The following MYH3 variants were observed in gnomAD, a reference collection of about 807,000 sequenced individuals.
MYH3 encodes myosin-3.
A neutral mutation model predicts 238.0 loss-of-function variants in MYH3; 130 were observed. The ratio of observed to expected loss-of-function variants is 0.55; its 90% CI spans 0.47 to 0.63. The LOEUF is 0.63. MYH3 is among the 30% of genes least tolerant of loss of function. The pLI is 0.00. For missense variants in MYH3, 1,853 were observed against 2,374.9 expected, an observed-to-expected ratio of 0.78 and a Z score of 4.57; for synonymous variants, 880 against 924.1, an observed-to-expected ratio of 0.95 and a Z score of 0.86.
chr17:10,646,768 C>T (rs2074325921), intron 10 of MYH3, among the ~76,000 whole-genome samples: 1 of 152,168 alleles, frequency 6.6e-6, no homozygotes, highest in Non-Finnish European at 1.5e-5. Context: ...CTTTTCCTGG[C>T]AAAGTGCAGT....
At chr17:10,677,877 G>A in the MYH3 span, 2 of 152,288 alleles carry the variant, frequency 1.3e-5, no homozygotes, top group Admixed American at 6.5e-5. Context: ...AGCACTTTGG[G>A]AGGCCGAGGC....
intron 32 of MYH3, 30 bp downstream of exon 32, chr17:10,633,987 G>A: frequency 6.2e-7 from 1 of 1,611,304 alleles, no homozygotes; most frequent in Non-Finnish European, 8.5e-7. Flanking sequence ...CATGAAAGGA[G>A]GAGGTTTCAG....
chr17:10,649,465 G>A (rs1418872240), intron 7 of MYH3, 112 bp downstream of exon 7: 3 of 880,230 alleles, frequency 3.4e-6, no homozygotes, highest in Non-Finnish European at 5.8e-6. Flanking sequence ...ATCCTAGCCT[G>A]TTCTCCATTC....
At position 10,638,292 on chromosome 17, in the gene MYH3, C is replaced by T. The variant is rs746294670; in HGVS notation, c.3480G>A (p.Thr1160=). The change falls in exon 27 of 41, where the codon ACG becomes ACA. Residue 1160 remains threonine (T), a synonymous_variant. Transcript: ENST00000583535. ...RLEEAGGVTS[T]QIELNKKREA... ...CCCGCTTCTTGTTGAGCTCTATCTG[C>T]GTGGAGGTGACGCCTCCCGCCTCCT... 3.7e-6 allele frequency: 6 copies of T among 1,613,608 alleles called. No homozygotes were observed. Among genetic ancestry groups the T allele is most frequent in the South Asian group, 3.3e-5 (3 of 91,066 alleles).
At chr17:10,633,458 A>T in intron 33 of MYH3, 133 bp downstream of exon 33, 1 of 1,087,270 alleles carries the variant, frequency 9.2e-7, no homozygotes. Flanking sequence ...TTGCTGTGTG[A>T]CGGGAAAGCA....
At position 10,635,779 on chromosome 17, in the gene MYH3, G is replaced by T; in HGVS notation, c.3931C>A (p.Gln1311Lys). The change falls in exon 29 of 41, where the codon CAG becomes AAG. Residue 1311 changes from glutamine (Q) to lysine (K), a missense_variant. Physicochemically the swap from Gln to Lys is moderately conservative, Grantham distance 53 (BLOSUM62 1). Around this residue, in one of 3 missense-constraint regions of MYH3, gnomAD observed 1,044 missense variants for 1,192.6 expected, o/e 0.88. Coordinates refer to ENST00000583535, the MANE Select transcript of MYH3 (RefSeq NM_002470.4). The part of the protein sequence containing the change: ...QLSRSKQAFT[Q>K]QTEELKRQLE... ...TGCCTCTTGAGCTCTTCTGTTTGCTGGGTAAAGGCTTGCTTGCTCCTGGAA... is the reference window on the plus strand; with the variant it reads ...TGCCTCTTGAGCTCTTCTGTTTGCTTGGTAAAGGCTTGCTTGCTCCTGGAA... 6.2e-7 allele frequency: 1 copy of T among 1,614,158 alleles called. No individual in the cohort carries two copies. The highest frequency in any genetic ancestry group is 8.5e-7 in the Non-Finnish European group (1 of 1,180,024).
chr17:10,653,535 T>A (rs2074399068), intron 3 of MYH3, among the ~76,000 whole-genome samples: 1 of 152,138 alleles, frequency 6.6e-6, no homozygotes, highest in Non-Finnish European at 1.5e-5. Context: ...AACGGCACCA[T>A]GAGGCAGAGC....
chr17:10,639,966 A>C, intron 22 of MYH3, 30 bp downstream of exon 22: 1 of 134,952 alleles, frequency 7.4e-6, no homozygotes. Flanking sequence ...AGAAGAGTTA[A>C]AAAAAAAAAA....
rs1400535983 is a variant in MYH3, at chr17:10,652,548, G to T, written c.220C>A (p.Pro74Thr). The change falls in exon 4 of 41, where the codon CCA becomes ACA. Residue 74 changes from proline to threonine, a missense_variant. Pro to Thr is a conservative substitution (Grantham distance 38, BLOSUM62 -1). Around this residue, in one of 3 missense-constraint regions of MYH3, gnomAD observed 131 missense variants for 123.5 expected, o/e 1.06. Transcript: ENST00000583535. ...TEDNRTLVVK[P>T]EDVYAMNPPK... ...GGGTTCATGGCGTACACATCCTCTG[G>T]TTTGACCACCAGGGTCTAAAAAGGA... 6.2e-7 allele frequency: 1 copy of T among 1,600,778 alleles called. No homozygotes were observed. Among genetic ancestry groups the T allele is most frequent in the South Asian group, 1.1e-5 (1 of 90,910 alleles).
rs186881472 is a variant in MYH3, at chr17:10,636,606, C to T, written c.3857-753G>A. ...GGCTTTATGGCTCCAGACGTGAATC[C>T]CCCAACATGGTAAAAGTGGCCACCA... On this transcript the variant is annotated intron_variant, in intron 28 of 40. Coordinates refer to ENST00000583535, the MANE Select transcript of MYH3 (RefSeq NM_002470.4). Among the ~76,000 whole-genome samples, 487 of 151,758 alleles carry T rather than the reference C, an allele frequency of 3.2e-3. 3 individuals carry two copies. Among genetic ancestry groups the T allele is most frequent in the Middle Eastern group, 0.01 (3 of 294 alleles).
chr17:10,646,156 A>T (rs1381461676), intron 10 of MYH3, 124 bp from the exon 11 acceptor site: 5 of 816,928 alleles, frequency 6.1e-6, no homozygotes, highest in South Asian at 1.4e-5. Flanking sequence ...ACTTAGAATT[A>T]AAAATCTTTT....
Position 10,639,665 on chromosome 17 carries a change from C to G in MYH3, c.2820G>C (p.Lys940Asn). The stretch of plus-strand genomic sequence containing the variant: ...AGCATTCATCCTCCAGTTTCCTCTT[C>G]TTGGCCGTCAGCTCAGCATTGATCT... ...EEEINAELTA[K>N]KRKLEDECSE... The change falls in exon 23 of 41, where the codon AAG becomes AAC. Residue 940 changes from lysine (K) to asparagine (N), a missense_variant. Lys to Asn is a moderately conservative substitution (Grantham distance 94). This residue lies in a region of MYH3 where 678 missense variants were observed against 1,058.9 expected (regional missense o/e 0.64). Transcript: ENST00000583535. The G allele has an allele frequency of 1.2e-6, 2 of 1,614,106 alleles. No homozygotes were observed. The highest frequency in any genetic ancestry group is 2.2e-5 in the South Asian group (2 of 91,076).
chr17:10,632,799 A>G lies in MYH3; in HGVS notation c.4648-15T>C. 1 of 1,614,086 alleles carries G rather than the reference A, an allele frequency of 6.2e-7. No homozygotes were observed. Among genetic ancestry groups the G allele is most frequent in the Non-Finnish European group, 8.5e-7 (1 of 1,179,900 alleles). ...TCAAGAGCAGCCTTTAAGAAACAAAAGCAAATCAAATAGTGTCTGTGATGG... is the reference window on the plus strand; with the variant it reads ...TCAAGAGCAGCCTTTAAGAAACAAAGGCAAATCAAATAGTGTCTGTGATGG... On this transcript the variant is annotated splice_polypyrimidine_tract_variant and intron_variant, in intron 33 of 40. Coordinates refer to ENST00000583535, the MANE Select transcript of MYH3 (RefSeq NM_002470.4).
Position 10,641,082 on chromosome 17 carries a change from C to T in MYH3, c.2165+3G>A. 6.3e-7 allele frequency: 1 copy of T among 1,581,536 alleles called. No individual in the cohort carries two copies. The highest frequency in any genetic ancestry group is 1.3e-5 in the African/African-American group (1 of 74,530). ...AAGCATATAGAACATGTTTATTACA[C>T]ACCTTTGTTTAAAATCGCCATAGAG... On this transcript the variant is annotated splice_donor_region_variant and intron_variant, in intron 19 of 40. Transcript: ENST00000583535.
chr17:10,666,578 C>CAA, the MYH3 span, among the ~76,000 whole-genome samples: 572 of 68,522 alleles, frequency 8.3e-3, 5 homozygotes, highest in Middle Eastern at 0.023. Flanking sequence ...CTTGTCTCTA[C>CAA]AAAAAAAAAA....
In MYH3 at chr17:10,635,796, C is replaced by T. The variant is rs1272813611; in HGVS notation, c.3914G>A (p.Ser1305Asn). Residue 1305 changes from serine to asparagine, a missense_variant, in exon 29 of 41, where the codon AGC (serine) becomes AAC (asparagine). Physicochemically the swap from Ser to Asn is conservative, Grantham distance 46 (BLOSUM62 1). Transcript: ENST00000583535. ...TGTTTGCTGGGTAAAGGCTTGCTTGCTCCTGGAAAGTTGGGATACTATGCT... is the reference window on the plus strand; with the variant it reads ...TGTTTGCTGGGTAAAGGCTTGCTTGTTCCTGGAAAGTTGGGATACTATGCT... ...KESIVSQLSR[S>N]KQAFTQQTEE... 2 of 1,614,092 alleles carry T rather than the reference C, an allele frequency of 1.2e-6. No individual in the cohort carries two copies. Among genetic ancestry groups the T allele is most frequent in the African/African-American group, 2.7e-5 (2 of 74,920 alleles).
intron 32 of MYH3, 112 bp downstream of exon 32, chr17:10,633,905 A>G (rs2074188452): frequency 2.0e-6 from 3 of 1,476,804 alleles, no homozygotes; most frequent in South Asian, 2.3e-5. Flanking sequence ...CTGCATGTGC[A>G]TTAACACACA....
chr17:10,662,024 CTTTCT>C (rs1413640690), upstream of MYH3, among the ~76,000 whole-genome samples: 3 of 151,000 alleles, frequency 2.0e-5, no homozygotes, highest in Non-Finnish European at 3.0e-5. Context: ...TTCTTTCTTT[CTTTCT>C]TTTTTTTTTT....
At chr17:10,675,681 G>C in the MYH3 span, 2 of 152,044 alleles carry the variant, frequency 1.3e-5, no homozygotes, top group African/African-American at 4.8e-5. Flanking sequence ...AGTTTTCCCT[G>C]TTCTCCTAGT....
Sources: allele counts gnomAD v4.1 joint callset (sites outside exome capture counted in the v4.1 genomes callset), GRCh38; gene constraint gnomAD v4.1.1; regional missense constraint gnomAD v4.1.1; transcripts MANE v1.5; gene names NCBI Gene and HGNC (gene_info 2026-07-23, HGNC 2026-07-21).